Variants in ME1 observed in about 807,000 individuals in gnomAD.
The protein encoded by ME1 is malic enzyme 1.
ME1 carries 74 observed loss-of-function variants against 66.4 expected under a neutral mutation model. The ratio of observed to expected loss-of-function variants is 1.11; its 90% CI spans 0.92 to 1.35. The LOEUF (loss-of-function observed/expected upper bound fraction) is 1.35. ME1 is among the 40% of genes most tolerant of loss of function. The pLI, the probability that ME1 is intolerant of heterozygous loss-of-function variation, is 0.00. For missense variants in ME1, 750 were observed against 694.1 expected (o/e 1.08, Z -0.90); for synonymous variants, 251 against 235.6 (o/e 1.07, Z -0.60).
intron 3 of ME1, among the ~76,000 whole-genome samples, chr6:83,388,090 C>CTTTTTTTTTTT (rs1561999489): frequency 4.5e-5 from 5 of 110,450 alleles, no homozygotes; most frequent in East Asian, 2.4e-4. Flanking sequence ...TTCCTTCCTT[C>CTTTTTTTTTTT]CTTTTTTTTT....
At chr6:83,287,764 CCAA>C (rs1767424264) in intron 6 of ME1, among the ~76,000 whole-genome samples, 1 of 152,134 alleles carries the variant, frequency 6.6e-6, no homozygotes, top group African/African-American at 2.4e-5. Flanking sequence ...ATTTACACTC[CCAA>C]CAATAGTGTA....
intron 9 of ME1, among the ~76,000 whole-genome samples, chr6:83,230,443 T>A (rs1313923266): frequency 6.6e-6 from 1 of 152,126 alleles, no homozygotes; most frequent in Non-Finnish European, 1.5e-5. Flanking sequence ...CATCTGTAAA[T>A]AAGGATAATA....
intron 3 of ME1, among the ~76,000 whole-genome samples, chr6:83,381,785 T>G (rs1769404924): frequency 6.6e-6 from 1 of 152,156 alleles, no homozygotes. Context: ...TTCCATTCCA[T>G]TCTAGCTCTC....
chr6:83,325,765 A>T (rs1768276567), intron 5 of ME1, among the ~76,000 whole-genome samples: 1 of 152,092 alleles, frequency 6.6e-6, no homozygotes, highest in African/African-American at 2.4e-5. Flanking sequence ...AGGAAGAGTC[A>T]ATATCATGAA....
chr6:83,310,106 A>T (rs1781747), intron 6 of ME1, among the ~76,000 whole-genome samples: 47,235 of 151,862 alleles, frequency 0.31, 7,540 homozygotes, highest in Middle Eastern at 0.49. Flanking sequence ...CTGAATTGAG[A>T]AATTATGCTG....
intron 6 of ME1, among the ~76,000 whole-genome samples, chr6:83,310,372 ACTT>A (rs1252213856): frequency 3.3e-5 from 5 of 152,306 alleles, no homozygotes; most frequent in East Asian, 1.9e-4. Flanking sequence ...AGGCAGCTCA[ACTT>A]CTCCTTCTGC....
At chr6:83,358,078 A>C (rs1768933767) in intron 3 of ME1, among the ~76,000 whole-genome samples, 1 of 150,416 alleles carries the variant, frequency 6.6e-6, no homozygotes, top group South Asian at 2.1e-4. Flanking sequence ...GAGTGGTTCT[A>C]GTGGAAAAGA....
chr6:83,302,835 A>G (rs1191983845), intron 6 of ME1, among the ~76,000 whole-genome samples: 1 of 152,200 alleles, frequency 6.6e-6, no homozygotes, highest in Non-Finnish European at 1.5e-5. Flanking sequence ...GATGGCAGAC[A>G]GGAAGGTGAA....
chr6:83,383,096 C>A (rs1769437323), intron 3 of ME1, among the ~76,000 whole-genome samples: 1 of 151,726 alleles, frequency 6.6e-6, no homozygotes, highest in Admixed American at 6.6e-5. Flanking sequence ...CCTCATGGGA[C>A]AACTCCTTAA....
rs7775622 is a variant in ME1, at chr6:83,421,532, G to T, written c.78+9345C>A. Among the ~76,000 whole-genome samples the T allele has an allele frequency of 7.3e-3, 1,108 of 152,322 alleles. 11 individuals are homozygous for T. Among genetic ancestry groups the T allele is most frequent in the African/African-American group, 0.025 (1,034 of 41,574 alleles). On this transcript the variant is annotated intron_variant, in intron 1 of 13. Transcript: ENST00000369705. The stretch of plus-strand genomic sequence containing the variant: ...TGATAGCAGAAGAACTAAGGAAGAA[G>T]ATTAGAATCTAAAGTACGACAAAAC...
intron 1 of ME1, among the ~76,000 whole-genome samples, chr6:83,417,434 G>T (rs1305682813): frequency 6.6e-6 from 1 of 152,034 alleles, no homozygotes; most frequent in Non-Finnish European, 1.5e-5. Flanking sequence ...AGGCTAGAGT[G>T]AAGTGGCGTG....
At chr6:83,360,175 A>G (rs1471586552) in intron 3 of ME1, among the ~76,000 whole-genome samples, 1 of 152,184 alleles carries the variant, frequency 6.6e-6, no homozygotes, top group African/African-American at 2.4e-5. Context: ...CCCTTGAATG[A>G]AAGGGAGGCC....
chr6:83,286,145 G>A (rs13192303), intron 6 of ME1, among the ~76,000 whole-genome samples: 10,803 of 152,136 alleles, frequency 0.071, 469 homozygotes, highest in Admixed American at 0.098. Flanking sequence ...CAGAGAGTCT[G>A]GATTTCAATC....
chr6:83,283,935 A>G (rs1358586020), intron 6 of ME1, among the ~76,000 whole-genome samples: 1 of 152,212 alleles, frequency 6.6e-6, no homozygotes, highest in Non-Finnish European at 1.5e-5. Context: ...ACAAAGAATC[A>G]ATGACATCAA....
intron 6 of ME1, among the ~76,000 whole-genome samples, chr6:83,314,061 A>T (rs1052977538): frequency 1.3e-5 from 2 of 152,220 alleles, no homozygotes; most frequent in African/African-American, 4.8e-5. Context: ...AGAAAAACCA[A>T]GGCAACATAT....
At chr6:83,429,032 G>A (rs998050591) in intron 1 of ME1, among the ~76,000 whole-genome samples, 3 of 152,124 alleles carry the variant, frequency 2.0e-5, no homozygotes, top group Non-Finnish European at 4.4e-5. Flanking sequence ...GGGAGGCTGA[G>A]GCGGGTGGAT....
At chr6:83,324,716 C>CAAAAAAAAAAAAAA (rs55866196) in intron 5 of ME1, among the ~76,000 whole-genome samples, 1 of 49,306 alleles carries the variant, frequency 2.0e-5, no homozygotes. Flanking sequence ...GCCTACCAAC[C>CAAAAAAAAAAAAAA]AAAAAAAAAA....
chr6:83,360,210 G>T (rs1433217538), intron 3 of ME1, among the ~76,000 whole-genome samples: 1 of 152,174 alleles, frequency 6.6e-6, no homozygotes, highest in East Asian at 1.9e-4. Context: ...AAGGACCCCA[G>T]TACATTACCG....
intron 3 of ME1, among the ~76,000 whole-genome samples, chr6:83,391,314 T>C (rs1769616060): frequency 6.6e-6 from 1 of 152,258 alleles, no homozygotes; most frequent in African/African-American, 2.4e-5. Flanking sequence ...CCAGAGCCCA[T>C]ACTTTCAATC....
Sources: allele counts gnomAD v4.1 joint callset (sites outside exome capture counted in the v4.1 genomes callset), GRCh38; gene constraint gnomAD v4.1.1; transcripts MANE v1.5; gene names NCBI Gene and HGNC (gene_info 2026-07-23, HGNC 2026-07-21).